RYR3: variants seen among roughly 807,000 people sequenced by gnomAD.
RYR3 encodes brain ryanodine receptor-calcium release channel.
A neutral mutation model predicts 584.3 loss-of-function variants in RYR3; 207 were observed. The observed-to-expected ratio is 0.35, with a 90% CI of 0.32 to 0.40. RYR3 has a LOEUF of 0.40. Ranked by LOEUF, RYR3 falls within the 10% of genes least tolerant of loss-of-function variation. The pLI is 1.00. For synonymous variants in RYR3, 2,416 were observed against 2,248.5 expected (o/e 1.07, Z -2.11); for missense variants, 5,616 against 6,089.2 (o/e 0.92, Z 2.59).
chr15:33,456,927 T>G (rs1047594556), intron 1 of RYR3, among the ~76,000 whole-genome samples: 1 of 152,236 alleles, frequency 6.6e-6, no homozygotes, highest in Non-Finnish European at 1.5e-5. Flanking sequence ...TCCAAAGTTA[T>G]AAAGTCTCTC....
intron 22 of RYR3, 124 bp downstream of exon 22, chr15:33,630,167 T>G: frequency 1.7e-6 from 1 of 590,834 alleles, no homozygotes; most frequent in East Asian, 2.8e-5. Context: ...TTAGAGGAGA[T>G]GATGATGAAT....
intron 38 of RYR3, among the ~76,000 whole-genome samples, chr15:33,694,706 A>G (rs866968087): frequency 6.6e-6 from 1 of 152,220 alleles, no homozygotes; most frequent in African/African-American, 2.4e-5. Flanking sequence ...CTTTGCCCCT[A>G]GAGGATACAG....
At chr15:33,478,974 CA>C (rs2142310758) in intron 2 of RYR3, among the ~76,000 whole-genome samples, 1 of 152,296 alleles carries the variant, frequency 6.6e-6, no homozygotes, top group Admixed American at 6.5e-5. Flanking sequence ...AGGTATGTAA[CA>C]GTGAAGTCCC....
chr15:33,775,047 C>T (rs1179853001), intron 64 of RYR3, among the ~76,000 whole-genome samples: 5 of 150,678 alleles, frequency 3.3e-5, no homozygotes, highest in Non-Finnish European at 5.9e-5. Flanking sequence ...AAAAAAAAGT[C>T]AAAAAGTCAA....
intron 10 of RYR3, among the ~76,000 whole-genome samples, chr15:33,552,889 T>C (rs535697413): frequency 6.6e-6 from 1 of 152,180 alleles, no homozygotes; most frequent in Non-Finnish European, 1.5e-5. Flanking sequence ...TTTCCTTAAA[T>C]GCATTCTCTG....
rs193180980 is a variant in RYR3 at position 33,618,679 on chromosome 15, C to G, written c.2358-5128C>G. On this transcript the variant is annotated intron_variant, in intron 19 of 103. Coordinates refer to ENST00000634891, the MANE Select transcript of RYR3 (RefSeq NM_001036.6). ...TTTCTTCTGTGAAACATTATCCCAG[C>G]TCTCTGGGAGGAATTCGATAGCAGA... Among the ~76,000 whole-genome samples the G allele has an allele frequency of 2.2e-4, 33 of 152,336 alleles. 1 individual carries two copies. Among genetic ancestry groups the G allele is most frequent in the African/African-American group, 7.9e-4 (33 of 41,566 alleles).
At chr15:33,692,329 G>A (rs2065492246) in intron 38 of RYR3, among the ~76,000 whole-genome samples, 1 of 152,102 alleles carries the variant, frequency 6.6e-6, no homozygotes, top group African/African-American at 2.4e-5. Flanking sequence ...GAAGTTCATT[G>A]GTTGTGCCTG....
At chr15:33,564,912 C>T (rs1189057466) in intron 11 of RYR3, among the ~76,000 whole-genome samples, 1 of 152,112 alleles carries the variant, frequency 6.6e-6, no homozygotes, top group African/African-American at 2.4e-5. Context: ...TGTTAAGTGC[C>T]CTCTCTAAAA....
intron 99 of RYR3, among the ~76,000 whole-genome samples, chr15:33,858,395 T>C (rs2153009940): frequency 1.3e-5 from 2 of 152,060 alleles, no homozygotes; most frequent in South Asian, 4.2e-4. Flanking sequence ...TTAGTAGTGA[T>C]GGGGTTTCTC....
At chr15:33,654,690 T>C (rs2152692469) in intron 32 of RYR3, among the ~76,000 whole-genome samples, 1 of 152,050 alleles carries the variant, frequency 6.6e-6, no homozygotes, top group South Asian at 2.1e-4. Flanking sequence ...GAGATATAGA[T>C]AGGAAATGGG....
chr15:33,865,564 C>T lies in RYR3; in HGVS notation c.*338C>T, dbSNP rs970999148. The T allele has an allele frequency of 1.8e-5, 4 of 223,470 alleles. No individual in the cohort carries two copies. The highest frequency in any genetic ancestry group is 6.8e-5 in the African/African-American group (3 of 43,988). The allele number at this position is 223,470 out of a possible 1,614,324, so 13.8% of individuals were successfully genotyped here. A position where few individuals can be genotyped will look rare whatever the true frequency, so the allele number is the denominator to read the frequency against. On this transcript the variant is annotated 3_prime_UTR_variant, in exon 104 of 104. Transcript: ENST00000634891. ...AAAGGGCTAGAGAAGTATGAAATCT[C>T]GAATGTGTAATACCTGAAAATTTAA... is the stretch of plus-strand genomic sequence containing the variant.
At chr15:33,520,341 CTT>C (rs2053886862) in intron 3 of RYR3, among the ~76,000 whole-genome samples, 1 of 152,148 alleles carries the variant, frequency 6.6e-6, no homozygotes. Flanking sequence ...ATGTTAGACT[CTT>C]TGTTGGAAAT....
At chr15:33,800,268 T>TA (rs2075851278) in intron 67 of RYR3, among the ~76,000 whole-genome samples, 1 of 152,184 alleles carries the variant, frequency 6.6e-6, no homozygotes, top group Non-Finnish European at 1.5e-5. Context: ...AAACTGGCTT[T>TA]AAAGGAAAAG....
intron 1 of RYR3, among the ~76,000 whole-genome samples, chr15:33,371,510 G>T (rs750099948): frequency 6.6e-6 from 1 of 152,124 alleles, no homozygotes; most frequent in Non-Finnish European, 1.5e-5. Context: ...TGTGCTAGGC[G>T]CCAGCACATG....
At chr15:33,678,326 C>T (rs931419799) in intron 38 of RYR3, among the ~76,000 whole-genome samples, 1 of 152,128 alleles carries the variant, frequency 6.6e-6, no homozygotes, top group Admixed American at 6.5e-5. Context: ...ATAGAGTTCC[C>T]ACAAGATCTG....
chr15:33,399,660 A>T (rs2042521314), intron 1 of RYR3, among the ~76,000 whole-genome samples: 1 of 152,048 alleles, frequency 6.6e-6, no homozygotes, highest in South Asian at 2.1e-4. Context: ...GGAACCCTGA[A>T]ATTGCTGAAA....
chr15:33,558,976 G>A (rs543443115), intron 10 of RYR3, among the ~76,000 whole-genome samples: 65 of 152,280 alleles, frequency 4.3e-4, no homozygotes, highest in African/African-American at 1.4e-3. Context: ...GGATAAATGG[G>A]CATAGGGTTG....
At chr15:33,547,322 GTATCCTGGATTA>G (rs1375115963) in intron 8 of RYR3, among the ~76,000 whole-genome samples, 3 of 152,264 alleles carry the variant, frequency 2.0e-5, no homozygotes, top group Admixed American at 2.0e-4. Context: ...ACGCAGTGTG[GTATCCTGGATTA>G]TATCCTGGAA....
intron 2 of RYR3, among the ~76,000 whole-genome samples, chr15:33,477,918 A>AGGGGC (rs5811762): frequency 6.9e-6 from 1 of 144,210 alleles, no homozygotes. Context: ...ACTAGGGGCT[A>AGGGGC]TTACCAGAGA....
Sources: gnomAD v4.1 joint callset for allele counts (sites outside exome capture counted in the v4.1 genomes callset) on GRCh38, gnomAD v4.1.1 for gene constraint, MANE v1.5 for transcripts, NCBI Gene and HGNC (gene_info 2026-07-23, HGNC 2026-07-21) for gene names.